Variants in PCDHA1 observed in about 807,000 individuals in gnomAD.
PCDHA1 encodes the protein protocadherin alpha-1.
Under a neutral mutation model 61.3 loss-of-function variants are expected in PCDHA1, and 42 were observed. The observed-to-expected ratio is 0.69, with a 90% confidence interval of 0.54 to 0.89. The LOEUF is 0.89. PCDHA1 is among the 40% of genes least tolerant of loss of function. The pLI, the probability that PCDHA1 is intolerant of heterozygous loss-of-function variation, is 0.00. For synonymous variants in PCDHA1, 610 were observed against 553.8 expected (o/e 1.10, Z -1.43); for missense variants, 1,256 against 1,235.3 (o/e 1.02, Z -0.25).
chr5:140,982,784 C>T (rs568886944), intron 3 of PCDHA1, among the ~76,000 whole-genome samples: 9 of 151,444 alleles, frequency 5.9e-5, no homozygotes, highest in South Asian at 2.1e-4. Flanking sequence ...TGTGTGTGCA[C>T]GCATGTGTGC....
intron 3 of PCDHA1, among the ~76,000 whole-genome samples, chr5:140,992,691 G>A (rs373170347): frequency 9.3e-4 from 142 of 152,244 alleles, no homozygotes; most frequent in Middle Eastern, 3.4e-3. Context: ...GGGTTGAGGG[G>A]TGGGTAATGT....
chr5:140,969,201 G>A (rs2096306183), intron 1 of PCDHA1: 2 of 1,614,110 alleles, frequency 1.2e-6, no homozygotes, highest in Non-Finnish European at 1.7e-6. Context: ...TACAATACAG[G>A]GGCCCAGACA....
intron 1 of PCDHA1, chr5:140,871,553 G>T (rs1390415919): frequency 6.7e-7 from 1 of 1,491,208 alleles, no homozygotes; most frequent in East Asian, 2.5e-5. Context: ...TTAAAATCCA[G>T]TTTTTTTTCA....
chr5:140,984,658 A>G (rs1421972508), intron 3 of PCDHA1, among the ~76,000 whole-genome samples: 1 of 152,146 alleles, frequency 6.6e-6, no homozygotes, highest in Non-Finnish European at 1.5e-5. Flanking sequence ...TCCTTCTGGT[A>G]CTTTTAGGTT....
chr5:140,836,417 G>A (rs2150260300), intron 1 of PCDHA1: 22 of 1,613,704 alleles, frequency 1.4e-5, no homozygotes, highest in African/African-American at 1.1e-4. Context: ...CACCAAAGGC[G>A]TCGTCGCGGG....
In PCDHA1 at chr5:140,982,463, G is replaced by A. The variant is rs781833977; in HGVS notation, c.2454-12G>A. 1 of 1,614,060 alleles carries A rather than the reference G, an allele frequency of 6.2e-7. No individual in the cohort carries two copies. The highest frequency in any genetic ancestry group is 1.3e-5 in the African/African-American group (1 of 74,928). On this transcript the variant is annotated splice_polypyrimidine_tract_variant and intron_variant, in intron 2 of 3. Coordinates refer to ENST00000504120, the MANE Select transcript of PCDHA1 (RefSeq NM_018900.4). ...TGATCTAACCGTTATCTGGGTCTGT[G>A]TGTTTATTCAGCTCTGTGCACCTAG...
At chr5:140,860,376 A>G (rs1301503949) in intron 1 of PCDHA1, 1 of 152,078 alleles carries the variant, frequency 6.6e-6, no homozygotes, top group Non-Finnish European at 1.5e-5. Context: ...GTGAGACCCT[A>G]TTTCAAAAAT....
chr5:140,967,087 G>A (rs782556858), intron 1 of PCDHA1: 5 of 1,613,256 alleles, frequency 3.1e-6, no homozygotes, highest in South Asian at 1.1e-5. Flanking sequence ...GCATTGATCG[G>A]GAGGCGCTGT....
rs541784932 is a variant in PCDHA1 at position 140,786,712 on chromosome 5, T to A, written c.422T>A (p.Phe141Tyr). Reference sequence around the variant, plus strand: ...TTCAGGGGCAGAGAACAAATAATATTTATTCCTGAATCTAGACTCCTGAAT... The same window carrying A: ...TTCAGGGGCAGAGAACAAATAATATATATTCCTGAATCTAGACTCCTGAAT... ...PVFRGREQII[F>Y]IPESRLLNSR... Residue 141 changes from phenylalanine to tyrosine, a missense_variant, in exon 1 of 4, where the codon TTT becomes TAT. Phe to Tyr is a conservative substitution (Grantham distance 22, BLOSUM62 3). Transcript: ENST00000504120. The A allele has an allele frequency of 1.2e-6, 2 of 1,614,134 alleles. No homozygotes were observed. Among genetic ancestry groups the A allele is most frequent in the East Asian group, 4.5e-5 (2 of 44,884 alleles).
intron 1 of PCDHA1, among the ~76,000 whole-genome samples, chr5:140,976,091 C>CAACTTTTCAA (rs2096700073): frequency 6.6e-6 from 1 of 152,166 alleles, no homozygotes; most frequent in Non-Finnish European, 1.5e-5. Flanking sequence ...TATCAGTAGT[C>CAACTTTTCAA]AACTTTTCAA....
intron 3 of PCDHA1, among the ~76,000 whole-genome samples, chr5:141,007,512 G>C (rs2098333445): frequency 6.6e-6 from 1 of 152,040 alleles, no homozygotes; most frequent in Admixed American, 6.6e-5. Context: ...AGACTGCAGT[G>C]AGCTGATATC....
chr5:140,941,191 T>TTTTTTC (rs1554213809), intron 1 of PCDHA1, among the ~76,000 whole-genome samples: 1 of 93,206 alleles, frequency 1.1e-5, no homozygotes, highest in African/African-American at 3.9e-5. Context: ...GCTTCTTTTT[T>TTTTTTC]TTTCTTTCTT....
Position 140,843,081 on chromosome 5 carries a change from C to G in PCDHA1, c.2394+54397C>G, listed in dbSNP as rs2150352051. 5.6e-6 allele frequency: 9 copies of G among 1,595,424 alleles called. No homozygotes were observed. The African/African-American group carries it at 8.1e-5, about 14-fold the overall frequency. ...AAGCTGGTGCCGCGGTCTGTGGGCG[C>G]GGGCCACGTGGTAGCGAAGGTGCGC... On this transcript the variant is annotated intron_variant, in intron 1 of 3. Coordinates refer to ENST00000504120, the MANE Select transcript of PCDHA1 (RefSeq NM_018900.4).
chr5:140,796,842 A>C, intron 1 of PCDHA1: 1 of 1,614,084 alleles, frequency 6.2e-7, no homozygotes, highest in Non-Finnish European at 8.5e-7. Context: ...GCGTGGGGCT[A>C]TACACGGGTG....
At position 141,010,636 on chromosome 5, in the gene PCDHA1, A is replaced by G; in HGVS notation, c.*699A>G. On this transcript the variant is annotated 3_prime_UTR_variant, in exon 4 of 4. Coordinates refer to ENST00000504120, the MANE Select transcript of PCDHA1 (RefSeq NM_018900.4). ...AAAATCTGCATCATACCTGCAAGCC[A>G]ACAGTTCAGTGTTTTAACAGAGAAC... is the stretch of plus-strand genomic sequence containing the variant. 1 of 183,300 alleles carries G rather than the reference A, an allele frequency of 5.5e-6. No individual in the cohort carries two copies. The highest frequency in any genetic ancestry group is 1.2e-5 in the Non-Finnish European group (1 of 86,478). 11.4% of individuals were successfully genotyped at this position (183,300 alleles called of 1,614,324 possible). A position where few individuals can be genotyped will look rare whatever the true frequency, so the allele number is the denominator to read the frequency against.
chr5:140,836,283 A>C, intron 1 of PCDHA1: 1 of 1,613,716 alleles, frequency 6.2e-7, no homozygotes, highest in Non-Finnish European at 8.5e-7. Context: ...GATCAGCACG[A>C]CACGAGCCCT....
intron 1 of PCDHA1, chr5:140,883,308 C>A: frequency 6.2e-7 from 1 of 1,614,102 alleles, no homozygotes; most frequent in Non-Finnish European, 8.5e-7. Context: ...AATGATAACG[C>A]CCCAGAGGTT....
intron 1 of PCDHA1, among the ~76,000 whole-genome samples, chr5:140,916,167 C>T (rs2077462600): frequency 6.6e-6 from 1 of 152,080 alleles, no homozygotes; most frequent in South Asian, 2.1e-4. Context: ...TGCTGCCAGG[C>T]CTGGGACTCT....
chr5:140,805,664 A>C, intron 1 of PCDHA1: 1 of 842,580 alleles, frequency 1.2e-6, no homozygotes, highest in Non-Finnish European at 1.4e-6. Context: ...TTCCCCATTA[A>C]TACCCAGGAT....
Sources: allele counts gnomAD v4.1 joint callset (sites outside exome capture counted in the v4.1 genomes callset), GRCh38; gene constraint gnomAD v4.1.1; transcripts MANE v1.5; gene names NCBI Gene and HGNC (gene_info 2026-07-23, HGNC 2026-07-21).